Variants in GRM7 observed in about 807,000 individuals in gnomAD.
The protein encoded by GRM7 is metabotropic glutamate receptor 7.
In GRM7, 35 loss-of-function variants were observed where a neutral mutation model predicts 84.5. That is an observed-to-expected ratio of 0.41 (90% CI 0.32 to 0.55). The LOEUF is 0.55. Ranked by LOEUF, GRM7 falls within the 20% of genes least tolerant of loss-of-function variation. The pLI, the probability that GRM7 is intolerant of heterozygous loss-of-function variation, is 0.19. For synonymous variants in GRM7, 487 were observed against 455.1 expected (o/e 1.07, Z -0.89); for missense variants, 1,003 against 1,194.6 (o/e 0.84, Z 2.36).
At chr3:7,624,379 C>T (rs1244334765) in intron 8 of GRM7, among the ~76,000 whole-genome samples, 1 of 152,062 alleles carries the variant, frequency 6.6e-6, no homozygotes, top group Admixed American at 6.6e-5. Flanking sequence ...CATAATAGCA[C>T]CTCTAACATA....
intron 7 of GRM7, among the ~76,000 whole-genome samples, chr3:7,539,352 A>G (rs1011110780): frequency 1.3e-5 from 2 of 152,096 alleles, no homozygotes; most frequent in African/African-American, 2.4e-5. Context: ...TCTTCTAAAC[A>G]TTTTGCTGAA....
chr3:7,288,628 T>C (rs1330190597), intron 2 of GRM7, among the ~76,000 whole-genome samples: 1 of 152,156 alleles, frequency 6.6e-6, no homozygotes, highest in Non-Finnish European at 1.5e-5. Flanking sequence ...GCATTAAAAA[T>C]GCTTTGGAAC....
chr3:7,047,061 A>G (rs1212712110), intron 1 of GRM7, among the ~76,000 whole-genome samples: 3 of 152,062 alleles, frequency 2.0e-5, no homozygotes, highest in Non-Finnish European at 2.9e-5. Context: ...CAAAATCTAT[A>G]GTCATAGTTG....
intron 7 of GRM7, among the ~76,000 whole-genome samples, chr3:7,489,895 T>A (rs1318300062): frequency 1.3e-5 from 2 of 151,700 alleles, no homozygotes; most frequent in Non-Finnish European, 2.9e-5. Context: ...GATTCATTAA[T>A]TTATGATATT....
intron 4 of GRM7, among the ~76,000 whole-genome samples, chr3:7,339,413 C>T (rs976527622): frequency 1.9e-4 from 29 of 152,094 alleles, no homozygotes; most frequent in African/African-American, 6.5e-4. Flanking sequence ...TCAAACTTTC[C>T]GTTGCAATGG....
chr3:7,523,654 A>G (rs1700683485), intron 7 of GRM7, among the ~76,000 whole-genome samples: 1 of 152,202 alleles, frequency 6.6e-6, no homozygotes. Flanking sequence ...GATATCATCA[A>G]GAAAAGCCAT....
At chr3:7,022,319 T>C (rs1695805586) in intron 1 of GRM7, among the ~76,000 whole-genome samples, 1 of 122,258 alleles carries the variant, frequency 8.2e-6, no homozygotes, top group South Asian at 2.4e-4. Context: ...AGTGAGACTC[T>C]GGCTCAGAAA....
At chr3:7,621,116 G>A (rs957559170) in intron 8 of GRM7, among the ~76,000 whole-genome samples, 3 of 152,040 alleles carry the variant, frequency 2.0e-5, no homozygotes, top group African/African-American at 7.2e-5. Flanking sequence ...CTCCCTGATT[G>A]AACATAACTA....
intron 1 of GRM7, among the ~76,000 whole-genome samples, chr3:7,141,216 A>G (rs1693934648): frequency 6.6e-6 from 1 of 152,032 alleles, no homozygotes; most frequent in Non-Finnish European, 1.5e-5. Flanking sequence ...AAATAAACTA[A>G]AAGCTATTAC....
chr3:7,522,368 A>C (rs910378144), intron 7 of GRM7, among the ~76,000 whole-genome samples: 1 of 152,094 alleles, frequency 6.6e-6, no homozygotes. Flanking sequence ...TTCTGCTTCA[A>C]CAATTCTCCC....
intron 7 of GRM7, among the ~76,000 whole-genome samples, chr3:7,521,294 T>C (rs1182795201): frequency 1.3e-5 from 2 of 152,312 alleles, no homozygotes; most frequent in East Asian, 1.9e-4. Context: ...TTCTTGGTCA[T>C]TGCTATGGTC....
rs151031796 is a variant in GRM7, at chr3:7,405,200, C to A, written c.1034-9823C>A. Among the ~76,000 whole-genome samples, 19 of 152,158 alleles carry A rather than the reference C, an allele frequency of 1.2e-4. No individual in the cohort carries two copies. The East Asian group carries it at 3.7e-3, about 29-fold the overall frequency. On this transcript the variant is annotated intron_variant, in intron 4 of 9. Coordinates refer to ENST00000357716, the MANE Select transcript of GRM7 (RefSeq NM_000844.4). ...TACAGTAAATTTTCAGGAATAATTT[C>A]TTGAAAATATGTCATATCAAGGATA...
At chr3:7,373,885 A>G (rs1188363861) in intron 4 of GRM7, among the ~76,000 whole-genome samples, 2 of 152,216 alleles carry the variant, frequency 1.3e-5, no homozygotes, top group Admixed American at 1.3e-4. Context: ...TGTCGCTTGT[A>G]TGATAGAGGA....
intron 4 of GRM7, among the ~76,000 whole-genome samples, chr3:7,396,013 C>T (rs1695199160): frequency 1.3e-5 from 2 of 152,028 alleles, no homozygotes; most frequent in South Asian, 4.2e-4. Context: ...TCACTATGGA[C>T]CCCATGAATC....
At chr3:7,586,839 A>AG (rs2125059868) in intron 8 of GRM7, among the ~76,000 whole-genome samples, 1 of 152,354 alleles carries the variant, frequency 6.6e-6, no homozygotes, top group East Asian at 1.9e-4. Flanking sequence ...TGATGCATTG[A>AG]GCAGCATGGA....
intron 7 of GRM7, among the ~76,000 whole-genome samples, chr3:7,506,540 G>A (rs1559368081): frequency 6.6e-6 from 1 of 152,212 alleles, no homozygotes; most frequent in South Asian, 2.1e-4. Flanking sequence ...GTCTTAATTT[G>A]TTTTCTGTTG....
At chr3:7,204,045 C>A (rs1235911545) in intron 2 of GRM7, among the ~76,000 whole-genome samples, 2 of 152,122 alleles carry the variant, frequency 1.3e-5, no homozygotes, top group East Asian at 3.9e-4. Context: ...ATATCATTTT[C>A]TATAAATATT....
At position 7,293,034 on chromosome 3, in the gene GRM7, C is replaced by CAAA. The variant is rs142561309; in HGVS notation, c.737-5635_737-5633dup. On this transcript the variant is annotated intron_variant, in intron 2 of 9. Coordinates refer to ENST00000357716, the MANE Select transcript of GRM7 (RefSeq NM_000844.4). ...GGGGGACAAGAGCGAGACTTGGTCT[C>CAAA]AAAAAAAAAAAAAAAAATTGAGCTT... Among the ~76,000 whole-genome samples, 333 of 120,550 alleles carry CAAA rather than the reference C, an allele frequency of 2.8e-3. 5 individuals are homozygous for CAAA. The highest frequency in any genetic ancestry group is 0.021 in the East Asian group (83 of 4,010). The allele number at this position is 120,550 out of a possible 152,430, so 79.1% of individuals were successfully genotyped here.
At chr3:7,735,798 G>T (rs1161056734) in intron 9 of GRM7, among the ~76,000 whole-genome samples, 2 of 152,200 alleles carry the variant, frequency 1.3e-5, no homozygotes, top group Non-Finnish European at 2.9e-5. Flanking sequence ...CTCTGTAAGA[G>T]AATTTTTTCT....
Sources: gnomAD v4.1 joint callset for allele counts (sites outside exome capture counted in the v4.1 genomes callset) on GRCh38, gnomAD v4.1.1 for gene constraint, MANE v1.5 for transcripts, NCBI Gene and HGNC (gene_info 2026-07-23, HGNC 2026-07-21) for gene names.